The following RGS3 variants were observed in gnomAD, a reference collection of about 807,000 sequenced individuals.
RGS3 encodes regulator of G-protein signalling 3.
Under a neutral mutation model 132.6 loss-of-function variants are expected in RGS3, and 80 were observed. The ratio of observed to expected loss-of-function variants is 0.60; its 90% CI spans 0.50 to 0.73. The LOEUF (loss-of-function observed/expected upper bound fraction) is 0.73. Among genes scored for constraint, RGS3 ranks in the 30% least tolerant of loss-of-function variants. The probability of loss-of-function intolerance (pLI) is 0.00; values close to 1 mark genes in which losing one functional copy is unlikely to be tolerated. For missense variants in RGS3, 1,382 were observed against 1,530.8 expected (o/e 0.90, Z 1.62); for synonymous variants, 598 against 620.6 (o/e 0.96, Z 0.54).
upstream of RGS3, chr9:113,460,155 CA>C: frequency 9.2e-7 from 1 of 1,084,086 alleles, no homozygotes; most frequent in Non-Finnish European, 1.1e-6. Context: ...TTTTCAGAGA[CA>C]AGGCTTTGGT....
At chr9:113,481,967 A>G (rs1184500869) in intron 4 of RGS3, among the ~76,000 whole-genome samples, 2 of 150,542 alleles carry the variant, frequency 1.3e-5, no homozygotes, top group African/African-American at 4.9e-5. Context: ...AATCACTTGA[A>G]CCCGGGAGGT....
At chr9:113,545,174 A>G (rs756179017) in intron 19 of RGS3, among the ~76,000 whole-genome samples, 3 of 152,236 alleles carry the variant, frequency 2.0e-5, no homozygotes, top group Non-Finnish European at 4.4e-5. Context: ...ATCAGCAGAC[A>G]GAGTCATGGA....
At chr9:113,485,598 A>G in intron 6 of RGS3, 27 bp from the exon 5 acceptor site, 1 of 1,573,136 alleles carries the variant, frequency 6.4e-7, no homozygotes, top group South Asian at 1.2e-5. Flanking sequence ...CCTTACTAAC[A>G]CTCCGATGGT....
At chr9:113,501,399 G>T in intron 10 of RGS3, 6 of 1,435,034 alleles carry the variant, frequency 4.2e-6, no homozygotes, top group East Asian at 2.5e-5. Context: ...CGGGCTTATC[G>T]TGCAGAGGCA....
At chr9:113,585,102 G>T (rs1035713721) in intron 20 of RGS3, among the ~76,000 whole-genome samples, 1 of 152,212 alleles carries the variant, frequency 6.6e-6, no homozygotes, top group African/African-American at 2.4e-5. Flanking sequence ...CAGGCCCTGC[G>T]CTCTGCAACA....
intron 1 of RGS3, among the ~76,000 whole-genome samples, chr9:113,451,034 C>CTGGCGTGG (rs1228809527): frequency 1.3e-5 from 2 of 151,886 alleles, no homozygotes; most frequent in South Asian, 2.1e-4. Context: ...AAAAATTAGC[C>CTGGCGTGG]TGGCGTGGTG....
rs7870142 is a variant in RGS3 at position 113,507,174 on chromosome 9, T to C, written c.1086-113T>C. ...CTGCCCTGACACTGGGGGCTTCCCC[T>C]CTGGTGTCTGCCTCCTCTTCCCCCA... On this transcript the variant is annotated intron_variant, in intron 12 of 24. Transcript: ENST00000350696. This position sits in a 1 kb window ranked among gnomAD's most constrained non-coding sequence, Gnocchi z 5.0. The C allele has an allele frequency of 0.18, 145,275 of 830,052 alleles. 13,647 individuals carry two copies. Among genetic ancestry groups the C allele is most frequent in the African/African-American group, 0.21 (12,013 of 58,474 alleles). The allele number at this position is 830,052 out of a possible 1,614,324, so 51.4% of individuals were successfully genotyped here.
At chr9:113,462,585 C>T (rs1252527696) in intron 3 of RGS3, among the ~76,000 whole-genome samples, 2 of 152,222 alleles carry the variant, frequency 1.3e-5, no homozygotes, top group Non-Finnish European at 2.9e-5. Flanking sequence ...ATTCCTAGCT[C>T]TGCAAACCTT....
At chr9:113,568,632 A>G (rs932517191) in intron 19 of RGS3, among the ~76,000 whole-genome samples, 1 of 152,218 alleles carries the variant, frequency 6.6e-6, no homozygotes, top group East Asian at 1.9e-4. Flanking sequence ...GAGCCTTCGC[A>G]TGCAAGCTGC....
chr9:113,481,213 G>T (rs1180335268), intron 4 of RGS3, among the ~76,000 whole-genome samples: 1 of 152,156 alleles, frequency 6.6e-6, no homozygotes, highest in African/African-American at 2.4e-5. Flanking sequence ...ACCTGTCTGG[G>T]CTGGGTTTAT....
exon 16 of RGS3, chr9:113,517,600 T>C (rs35270441): frequency 0.095 from 152,696 of 1,613,178 alleles, 8,351 homozygotes; most frequent in African/African-American, 0.19. Context: ...TGCTGCTGTA[T>C]GAAGGGAGGA....
At chr9:113,504,855 C>T (rs1423058749) in intron 10 of RGS3, among the ~76,000 whole-genome samples, 1 of 152,256 alleles carries the variant, frequency 6.6e-6, no homozygotes, top group Non-Finnish European at 1.5e-5. Context: ...TGGGAGTCCT[C>T]ATGGGATGCC....
chr9:113,463,764 G>A lies in RGS3; in HGVS notation c.415+1563G>A. 1 of 1,577,862 alleles carries A rather than the reference G, an allele frequency of 6.3e-7. No individual in the cohort carries two copies. Among genetic ancestry groups the A allele is most frequent in the South Asian group, 1.2e-5 (1 of 86,200 alleles). On this transcript the variant is annotated intron_variant, in intron 3 of 24. Coordinates refer to ENST00000350696, the Ensembl canonical transcript of RGS3. The surrounding 1 kb of genome is among the most constrained non-coding windows in gnomAD (Gnocchi z 4.6). ...TACTGGGGAGCAACACAGCCGCCTC[G>A]GGTTGCAGACGCTCCTGTCCGGGTC...
chr9:113,447,899 C>T (rs1384536651), intron 1 of RGS3, among the ~76,000 whole-genome samples: 1 of 149,228 alleles, frequency 6.7e-6, no homozygotes, highest in African/African-American at 2.5e-5. Context: ...GCCCAGGCTG[C>T]CAGGTTGGAG....
chr9:113,508,559 C>G (rs1831251493), exon 14 of RGS3: 2 of 1,612,448 alleles, frequency 1.2e-6, no homozygotes, highest in Non-Finnish European at 1.7e-6. Flanking sequence ...GCCTGTGTAC[C>G]AGGAGGATAC....
At chr9:113,532,550 C>T (rs1312699903) in intron 18 of RGS3, among the ~76,000 whole-genome samples, 2 of 152,204 alleles carry the variant, frequency 1.3e-5, no homozygotes, top group Non-Finnish European at 2.9e-5. Context: ...ATACGGTCAC[C>T]ATCTCAGGTG....
intron 19 of RGS3, among the ~76,000 whole-genome samples, chr9:113,555,472 A>AT (rs59669332): frequency 0.12 from 16,876 of 146,202 alleles, 1,064 homozygotes; most frequent in African/African-American, 0.17. Context: ...GGTTGTGACT[A>AT]TTTTTTTTTT....
At chr9:113,472,678 A>G (rs751276501) in intron 3 of RGS3, among the ~76,000 whole-genome samples, 1 of 152,138 alleles carries the variant, frequency 6.6e-6, no homozygotes, top group African/African-American at 2.4e-5. Flanking sequence ...GAGGATGAAA[A>G]TGTTCTAAAA....
intron 19 of RGS3, among the ~76,000 whole-genome samples, chr9:113,576,743 T>C (rs1412687684): frequency 6.6e-6 from 1 of 152,200 alleles, no homozygotes; most frequent in Non-Finnish European, 1.5e-5. Flanking sequence ...TTGGACTTTA[T>C]CTGAGAGGTA....
Sources: gnomAD v4.1 joint callset for allele counts (sites outside exome capture counted in the v4.1 genomes callset) on GRCh38, gnomAD v4.1.1 for gene constraint, Gnocchi (gnomAD v3.1) non-coding constraint, MANE v1.5 for transcripts, NCBI Gene and HGNC (gene_info 2026-07-23, HGNC 2026-07-21) for gene names.